The following OR9Q1 variants were observed in gnomAD, a reference collection of about 807,000 sequenced individuals.
OR9Q1 encodes the protein olfactory receptor 9Q1.
For missense variants in OR9Q1, 374 were observed against 378.8 expected, an observed-to-expected ratio of 0.99 and a Z score of 0.11; for synonymous variants, 153 against 148.6, an observed-to-expected ratio of 1.03 and a Z score of -0.22.
intron 2 of OR9Q1, chr11:58,119,371 A>C: frequency 1.9e-6 from 3 of 1,613,948 alleles, no homozygotes; most frequent in Non-Finnish European, 2.5e-6. Context: ...AAAGAGGGGA[A>C]TCTCCAATTT....
intron 2 of OR9Q1, among the ~76,000 whole-genome samples, chr11:58,177,182 G>A (rs1038676361): frequency 1.3e-5 from 2 of 152,188 alleles, no homozygotes; most frequent in Admixed American, 6.5e-5. Context: ...TAGCTCAAAA[G>A]CCTCTATCAG....
intron 2 of OR9Q1, among the ~76,000 whole-genome samples, chr11:58,095,912 G>A (rs1853726550): frequency 6.6e-6 from 1 of 152,114 alleles, no homozygotes; most frequent in South Asian, 2.1e-4. Context: ...TCTGTTCCAT[G>A]CATACATGTC....
intron 2 of OR9Q1, among the ~76,000 whole-genome samples, chr11:58,149,461 CTT>C (rs1435740181): frequency 6.6e-6 from 1 of 152,122 alleles, no homozygotes; most frequent in East Asian, 1.9e-4. Context: ...AACATGGAAA[CTT>C]AAGTGGTTAA....
At chr11:58,062,907 C>T (rs1269845500) in intron 2 of OR9Q1, among the ~76,000 whole-genome samples, 1 of 152,168 alleles carries the variant, frequency 6.6e-6, no homozygotes, top group Non-Finnish European at 1.5e-5. Flanking sequence ...CCTGAGTTCT[C>T]TCAAGATAGG....
chr11:58,024,409 A>G (rs1290191845), intron 1 of OR9Q1, among the ~76,000 whole-genome samples: 1 of 151,150 alleles, frequency 6.6e-6, no homozygotes, highest in Non-Finnish European at 1.5e-5. Flanking sequence ...AGTTCCTTTC[A>G]CTTTTTGGGA....
chr11:58,048,695 T>TATATATATATATATATATA (rs1403452829), intron 1 of OR9Q1, among the ~76,000 whole-genome samples: 5 of 141,300 alleles, frequency 3.5e-5, no homozygotes, highest in African/African-American at 1.3e-4. Flanking sequence ...TATATATATA[T>TATATATATATATATATATA]TTTTTAGCAA....
chr11:58,034,312 C>T (rs1246144494), intron 1 of OR9Q1, among the ~76,000 whole-genome samples: 1 of 151,844 alleles, frequency 6.6e-6, no homozygotes, highest in East Asian at 1.9e-4. Flanking sequence ...TGGTCTCGAT[C>T]TTCTGACCTC....
intron 1 of OR9Q1, among the ~76,000 whole-genome samples, chr11:58,043,273 G>C (rs988869245): frequency 1.1e-4 from 17 of 152,268 alleles, no homozygotes; most frequent in African/African-American, 4.1e-4. Context: ...AAGGGCAAAA[G>C]GTATTTCCAA....
rs1853788383 is a variant in OR9Q1, at chr11:58,101,989, A to AC, written c.-15+46048dup. Among the ~76,000 whole-genome samples the AC allele has an allele frequency of 2.0e-5, 3 of 150,760 alleles. No homozygotes were observed. In the South Asian group the frequency reaches 6.3e-4, roughly 32 times the overall value. On this transcript the variant is annotated intron_variant, in intron 2 of 2. Coordinates refer to ENST00000335397, the MANE Select transcript of OR9Q1 (RefSeq NM_001005212.4). ...TCAAACTCCCCACCTCAGGTGATCC[A>AC]CCCCCCTTGGCTTCCCAAAGTGCTG...
At chr11:58,034,755 C>T (rs1300958893) in intron 1 of OR9Q1, among the ~76,000 whole-genome samples, 1 of 138,826 alleles carries the variant, frequency 7.2e-6, no homozygotes, top group African/African-American at 2.7e-5. Context: ...TCCTTCCTTC[C>T]TTCCTTCCTT....
At chr11:58,109,252 G>T in intron 2 of OR9Q1, 1 of 463,336 alleles carries the variant, frequency 2.2e-6, no homozygotes. Flanking sequence ...GGTACCTGGA[G>T]TCATGGTCAT....
chr11:58,042,883 T>A (rs1012215032), intron 1 of OR9Q1, among the ~76,000 whole-genome samples: 4 of 152,196 alleles, frequency 2.6e-5, no homozygotes, highest in African/African-American at 9.6e-5. Flanking sequence ...GTTGGATTCC[T>A]AGGTATTTTA....
chr11:58,060,023 C>T (rs1166831409), intron 2 of OR9Q1: 8 of 152,456 alleles, frequency 5.2e-5, no homozygotes, highest in Admixed American at 5.2e-4. Flanking sequence ...TGCCCTCTGC[C>T]TTCTGGTAGG....
chr11:58,156,921 G>A (rs1854413554), intron 2 of OR9Q1, among the ~76,000 whole-genome samples: 1 of 152,070 alleles, frequency 6.6e-6, no homozygotes, highest in African/African-American at 2.4e-5. Context: ...GAAAGGGTGT[G>A]GATGATGGAG....
At chr11:58,062,326 G>A (rs571319447) in intron 2 of OR9Q1, among the ~76,000 whole-genome samples, 42 of 152,264 alleles carry the variant, frequency 2.8e-4, no homozygotes, top group Non-Finnish European at 2.8e-4. Flanking sequence ...TATAAAGGAC[G>A]GAAACACCCA....
At chr11:58,140,198 T>A (rs752910734) in intron 2 of OR9Q1, among the ~76,000 whole-genome samples, 4 of 152,100 alleles carry the variant, frequency 2.6e-5, no homozygotes, top group African/African-American at 7.2e-5. Context: ...CCTTTGTCAG[T>A]TGTGTAGATT....
intron 2 of OR9Q1, among the ~76,000 whole-genome samples, chr11:58,169,629 C>T (rs1372687274): frequency 4.6e-5 from 7 of 152,136 alleles, no homozygotes; most frequent in Non-Finnish European, 7.4e-5. Flanking sequence ...CAAAGCAACT[C>T]ACTTTCAGTT....
At chr11:58,091,699 T>C (rs964379278) in intron 2 of OR9Q1, among the ~76,000 whole-genome samples, 1 of 152,198 alleles carries the variant, frequency 6.6e-6, no homozygotes, top group Non-Finnish European at 1.5e-5. Flanking sequence ...TAAGTATTCT[T>C]GTTAATTTTC....
intron 2 of OR9Q1, among the ~76,000 whole-genome samples, chr11:58,168,884 C>A (rs1382157018): frequency 6.6e-6 from 1 of 152,052 alleles, no homozygotes. Flanking sequence ...ATATCAATGT[C>A]AATTATTTTT....
Sources: allele counts gnomAD v4.1 joint callset (sites outside exome capture counted in the v4.1 genomes callset), GRCh38; gene constraint gnomAD v4.1.1; transcripts MANE v1.5; gene names NCBI Gene and HGNC (gene_info 2026-07-23, HGNC 2026-07-21).